Variants in SCAMP3 observed in about 807,000 individuals in gnomAD.
SCAMP3 encodes the protein secretory carrier-associated membrane protein 3.
In SCAMP3, 30 loss-of-function variants were observed where a neutral mutation model predicts 44.1. The ratio of observed to expected loss-of-function variants is 0.68; its 90% CI spans 0.51 to 0.92. SCAMP3 has a LOEUF of 0.92. SCAMP3 is among the 40% of genes least tolerant of loss of function. The probability of loss-of-function intolerance (pLI) is 0.00; values close to 1 mark genes in which losing one functional copy is unlikely to be tolerated. For missense variants in SCAMP3, 394 were observed against 440.0 expected, an observed-to-expected ratio of 0.90 and a Z score of 0.93; for synonymous variants, 168 against 171.1, an observed-to-expected ratio of 0.98 and a Z score of 0.14.
In SCAMP3 at chr1:155,260,262, C is replaced by T. The variant is rs531985205; in HGVS notation, c.388+68G>A. 3.2e-5 allele frequency: 51 copies of T among 1,588,686 alleles called. No homozygotes were observed. In the East Asian group the frequency reaches 1.1e-3, roughly 34 times the overall value. On this transcript the variant is annotated intron_variant, in intron 4 of 8. Coordinates refer to ENST00000302631, the MANE Select transcript of SCAMP3 (RefSeq NM_005698.4). ...TGTGAGCCACCGCACCCAGCCGAGCCCAGGCCCTTAAGACCTGTTTTTGCT... is the reference window on the plus strand; with the variant it reads ...TGTGAGCCACCGCACCCAGCCGAGCTCAGGCCCTTAAGACCTGTTTTTGCT...
In SCAMP3 at chr1:155,256,673, C is replaced by T; in HGVS notation, c.897+1G>A. The T allele has an allele frequency of 6.2e-7, 1 of 1,613,536 alleles. No individual in the cohort carries two copies. Among genetic ancestry groups the T allele is most frequent in the Non-Finnish European group, 8.5e-7 (1 of 1,179,406 alleles). ...GGCCCCACCTTCGACACAGCCCTCA[C>T]CCGTTTCAGCATGACAATTCCTAGC... On this transcript the variant is annotated splice_donor_variant, in intron 8 of 8. Coordinates refer to ENST00000302631, the MANE Select transcript of SCAMP3 (RefSeq NM_005698.4). LOFTEE classifies it high-confidence loss of function.
Position 155,262,186 on chromosome 1 carries a change from C to T in SCAMP3, c.-35G>A. On this transcript the variant is annotated 5_prime_UTR_variant, in exon 1 of 9. Transcript: ENST00000302631. ...TGCGGCCTCCGCGGCCCTCTGCCCT[C>T]CACGCCCCTGCCGCAGCAGTGGCGG... The T allele has an allele frequency of 6.2e-7, 1 of 1,600,738 alleles. No individual in the cohort carries two copies. The highest frequency in any genetic ancestry group is 8.5e-7 in the Non-Finnish European group (1 of 1,171,844).
In SCAMP3 at chr1:155,262,117, G is replaced by C. The variant is rs1672983923; in HGVS notation, c.35C>G (p.Ala12Gly). 1 of 1,613,980 alleles carries C rather than the reference G, an allele frequency of 6.2e-7. No individual in the cohort carries two copies. Among genetic ancestry groups the C allele is most frequent in the East Asian group, 2.2e-5 (1 of 44,892 alleles). The change falls in exon 1 of 9, where the codon GCC (alanine) becomes GGC (glycine). Residue 12 changes from alanine to glycine, a missense_variant. Coordinates refer to ENST00000302631, the MANE Select transcript of SCAMP3 (RefSeq NM_005698.4). ...GGGGTTGTCAAGCTCGCTGGGCTCG[G>C]CGAACGGGTTTCCGCCGTCTCTGCT... is the stretch of plus-strand genomic sequence containing the variant. ...AQSRDGGNPF[A>G]EPSELDNPFQ...
At position 155,261,209 on chromosome 1, in the gene SCAMP3, G is replaced by A. The variant is rs961502000; in HGVS notation, c.144+448C>T. 2.2e-5 allele frequency: 4 copies of A among 181,618 alleles called. No homozygotes were observed. In the South Asian group the frequency reaches 4.5e-4, roughly 20 times the overall value. The allele number at this position is 181,618 out of a possible 1,614,324, so 11.3% of individuals were successfully genotyped here. A position where few individuals can be genotyped will look rare whatever the true frequency, so the allele number is the denominator to read the frequency against. Reference sequence around the variant, plus strand: ...GCCTCCCAAGTGGGATTACAGGCATGCACACCATGCTTGGCTTTTTTTTTT... The same window carrying A: ...GCCTCCCAAGTGGGATTACAGGCATACACACCATGCTTGGCTTTTTTTTTT... On this transcript the variant is annotated intron_variant, in intron 2 of 8. Transcript: ENST00000302631.
chr1:155,257,711 C>T, intron 5 of SCAMP3, 54 bp from the exon 6 acceptor site: 1 of 1,492,222 alleles, frequency 6.7e-7, no homozygotes. Flanking sequence ...ATGAAGGCTC[C>T]TTCCCATCTA....
At position 155,258,113 on chromosome 1, in the gene SCAMP3, G is replaced by T. The variant is rs887673619; in HGVS notation, c.518-456C>A. Among the ~76,000 whole-genome samples the T allele has an allele frequency of 4.6e-5, 7 of 150,826 alleles. 1 individual carries two copies. The highest frequency in any genetic ancestry group is 9.8e-5 in the African/African-American group (4 of 40,960). ...GGCTCACTGCAAGCTCTGCCTCCTG[G>T]GTTCACGCCCATTCTCCTACCTCAG... is the stretch of plus-strand genomic sequence containing the variant. On this transcript the variant is annotated intron_variant, in intron 5 of 8. Transcript: ENST00000302631.
intron 7 of SCAMP3, 113 bp from the exon 8 acceptor site, chr1:155,256,904 G>T: frequency 1.3e-6 from 1 of 754,694 alleles, no homozygotes; most frequent in Non-Finnish European, 2.3e-6. Flanking sequence ...CCTGTCAATC[G>T]AGCAGCATTC....
rs747818902 is a variant in SCAMP3 at position 155,256,432 on chromosome 1, G to A, written c.898-13C>T. ...ATAAGGAGTGGATCTGCAAGTAGAG[G>A]ACAAAGACATTACCGCCCATTCCAG... On this transcript the variant is annotated splice_polypyrimidine_tract_variant and intron_variant, in intron 8 of 8. Transcript: ENST00000302631. 18 of 1,567,838 alleles carry A rather than the reference G, an allele frequency of 1.1e-5. No homozygotes were observed. In the South Asian group the frequency reaches 1.5e-4, roughly 13 times the overall value.
At chr1:155,260,125 TGTG>T (rs1244527671) in intron 4 of SCAMP3, among the ~76,000 whole-genome samples, 2 of 151,928 alleles carry the variant, frequency 1.3e-5, no homozygotes, top group African/African-American at 4.8e-5. Flanking sequence ...CTAATTTTTG[TGTG>T]TGTGTATTTT....
At position 155,261,316 on chromosome 1, in the gene SCAMP3, C is replaced by T. The variant is rs1213083188; in HGVS notation, c.144+341G>A. Reference sequence around the variant, plus strand: ...CAGTGGGACAAACAGGTGTAGTCCTCCTCATTCCTTGCTTTCAAACTGCAC... The same window carrying T: ...CAGTGGGACAAACAGGTGTAGTCCTTCTCATTCCTTGCTTTCAAACTGCAC... On this transcript the variant is annotated intron_variant, in intron 2 of 8. Transcript: ENST00000302631. The T allele has an allele frequency of 9.6e-6, 3 of 311,404 alleles. No homozygotes were observed. The Admixed American group carries it at 1.3e-4, about 13-fold the overall frequency. The allele number at this position is 311,404 out of a possible 1,614,324, so 19.3% of individuals were successfully genotyped here. A position where few individuals can be genotyped will look rare whatever the true frequency, so the allele number is the denominator to read the frequency against.
Position 155,256,663 on chromosome 1 carries a change from A to T in SCAMP3, c.897+11T>A. 1 of 1,611,166 alleles carries T rather than the reference A, an allele frequency of 6.2e-7. No homozygotes were observed. The highest frequency in any genetic ancestry group is 8.5e-7 in the Non-Finnish European group (1 of 1,177,270). ...TCACCATCCCGGCCCCACCTTCGAC[A>T]CAGCCCTCACCCGTTTCAGCATGAC... is the stretch of plus-strand genomic sequence containing the variant. On this transcript the variant is annotated intron_variant, in intron 8 of 8. Transcript: ENST00000302631.
intron 8 of SCAMP3, 59 bp downstream of exon 8, chr1:155,256,615 C>G: frequency 6.7e-7 from 1 of 1,496,302 alleles, no homozygotes; most frequent in Non-Finnish European, 9.3e-7. Flanking sequence ...ATGTTCCACC[C>G]ACGCCCCTGG....
In SCAMP3 at chr1:155,261,665, T is replaced by C. The variant is rs749547518; in HGVS notation, c.136A>G (p.Thr46Ala). Residue 46 changes from threonine to alanine, a missense_variant, in exon 2 of 9, where the codon ACC (threonine) becomes GCC (alanine). Coordinates refer to ENST00000302631, the MANE Select transcript of SCAMP3 (RefSeq NM_005698.4). ...ATLDVYNPFE[T>A]REPPPAYEPP... ...GCTCTCCAGTAGCTCACCTCCCGGG[T>C]CTCAAAAGGGTTGTAGACGTCAAGC... 3.1e-6 allele frequency: 5 copies of C among 1,613,738 alleles called. No homozygotes were observed. The Admixed American group carries it at 8.3e-5, about 27-fold the overall frequency.
At chr1:155,257,769 G>A (rs1435404055) in intron 5 of SCAMP3, 112 bp from the exon 6 acceptor site, 3 of 996,982 alleles carry the variant, frequency 3.0e-6, no homozygotes, top group African/African-American at 3.3e-5. Context: ...AGGAAATGAA[G>A]GCAGCTGCTG....
intron 1 of SCAMP3, 76 bp downstream of exon 1, chr1:155,262,010 T>G: frequency 7.0e-7 from 1 of 1,423,982 alleles, no homozygotes; most frequent in Non-Finnish European, 9.8e-7. Context: ...CAAATGGGGA[T>G]ACAAGTTAGC....
At chr1:155,261,401 C>G (rs1672958031) in intron 2 of SCAMP3, 5 of 531,934 alleles carry the variant, frequency 9.4e-6, no homozygotes, top group Non-Finnish European at 1.7e-5. Flanking sequence ...CCTTCCCATA[C>G]AGAACATTGG....
At chr1:155,257,453 G>T (rs780440253) in intron 6 of SCAMP3, 45 bp downstream of exon 6, 1 of 1,609,732 alleles carries the variant, frequency 6.2e-7, no homozygotes, top group Non-Finnish European at 8.5e-7. Context: ...CAGACGTGGG[G>T]CCCATCCCAG....
intron 2 of SCAMP3, chr1:155,261,271 C>G (rs897817261): frequency 8.0e-5 from 16 of 200,700 alleles, no homozygotes; most frequent in Admixed American, 4.2e-4. Context: ...TAAATTCTTA[C>G]AACTCACCAT....
intron 3 of SCAMP3, 39 bp downstream of exon 3, chr1:155,260,497 TG>T: frequency 6.2e-7 from 1 of 1,614,194 alleles, no homozygotes; most frequent in African/African-American, 1.3e-5. Flanking sequence ...GCCCCAGGAC[TG>T]GCCCTTCTCC....
Sources: gnomAD v4.1 joint callset for allele counts (sites outside exome capture counted in the v4.1 genomes callset) on GRCh38, gnomAD v4.1.1 for gene constraint, MANE v1.5 for transcripts, NCBI Gene and HGNC (gene_info 2026-07-23, HGNC 2026-07-21) for gene names.